The following SESTD1 variants were observed in gnomAD, a reference collection of about 807,000 sequenced individuals.
SESTD1 encodes the protein SEC14 domain and spectrin repeat-containing protein 1.
Under a neutral mutation model 101.7 loss-of-function variants are expected in SESTD1, and 43 were observed. That is an observed-to-expected ratio of 0.42 (90% CI 0.33 to 0.55). SESTD1 has a LOEUF of 0.55. Ranked by LOEUF, SESTD1 falls within the 20% of genes least tolerant of loss-of-function variation. SESTD1 has a pLI of 0.07. For synonymous variants in SESTD1, 283 were observed against 286.8 expected (o/e 0.99, Z 0.13); for missense variants, 647 against 815.1 (o/e 0.79, Z 2.51).
At chr2:179,197,161 A>T (rs1574027798) in intron 1 of SESTD1, among the ~76,000 whole-genome samples, 2 of 152,298 alleles carry the variant, frequency 1.3e-5, no homozygotes, top group African/African-American at 4.8e-5. Flanking sequence ...ACGTGAAGAA[A>T]GAAGAAGCCT....
intron 5 of SESTD1, among the ~76,000 whole-genome samples, chr2:179,152,468 C>T (rs2045549920): frequency 6.6e-6 from 1 of 152,118 alleles, no homozygotes; most frequent in African/African-American, 2.4e-5. Flanking sequence ...TTTTACTTCA[C>T]ATAAATTATA....
At position 179,117,598 on chromosome 2, in the gene SESTD1, T is replaced by A; in HGVS notation, c.1458A>T (p.Val486=). Residue 486 remains valine (V), a synonymous_variant, in exon 14 of 18, where the codon GTA becomes GTT. Coordinates refer to ENST00000428443, the MANE Select transcript of SESTD1 (RefSeq NM_178123.5). ...QLRKQRCEDM[V]DVRRLKMLQM... is the part of the protein sequence containing the mutation. ...GAAGCATCTTTAACCTTCGCACATC[T>A]ACCATGTCTTCACATCTAATGAACC... 6.3e-7 allele frequency: 1 copy of A among 1,576,772 alleles called. No homozygotes were observed. The highest frequency in any genetic ancestry group is 8.6e-7 in the Non-Finnish European group (1 of 1,167,994).
intron 5 of SESTD1, among the ~76,000 whole-genome samples, chr2:179,155,289 G>T (rs1019323103): frequency 6.6e-6 from 1 of 151,932 alleles, no homozygotes; most frequent in Non-Finnish European, 1.5e-5. Flanking sequence ...TCCCAGAAAA[G>T]AACTTTTCCT....
chr2:179,185,734 A>T (rs1261816504), intron 2 of SESTD1, among the ~76,000 whole-genome samples: 2 of 55,158 alleles, frequency 3.6e-5, no homozygotes, highest in Non-Finnish European at 6.3e-5. Flanking sequence ...TATTATATAT[A>T]ATATAATATA....
At chr2:179,173,788 A>G (rs2105476224) in intron 4 of SESTD1, among the ~76,000 whole-genome samples, 1 of 151,648 alleles carries the variant, frequency 6.6e-6, no homozygotes, top group South Asian at 2.1e-4. Flanking sequence ...AGGATAGTAT[A>G]AAAGCAGCCA....
At chr2:179,161,205 G>C (rs976560921) in intron 5 of SESTD1, among the ~76,000 whole-genome samples, 10 of 151,444 alleles carry the variant, frequency 6.6e-5, no homozygotes, top group African/African-American at 2.2e-4. Context: ...TACAGGTGTG[G>C]GCCATTGCTC....
At chr2:179,251,082 A>G (rs939486229) in intron 1 of SESTD1, among the ~76,000 whole-genome samples, 1 of 152,222 alleles carries the variant, frequency 6.6e-6, no homozygotes, top group Non-Finnish European at 1.5e-5. Flanking sequence ...AATACTACTC[A>G]GTAATTAAAA....
At chr2:179,232,575 T>C (rs1435101555) in intron 1 of SESTD1, among the ~76,000 whole-genome samples, 1 of 152,160 alleles carries the variant, frequency 6.6e-6, no homozygotes, top group Non-Finnish European at 1.5e-5. Flanking sequence ...TATTGCAGTG[T>C]CATTTATAAT....
chr2:179,236,392 G>A (rs1316015423), intron 1 of SESTD1, among the ~76,000 whole-genome samples: 4 of 149,596 alleles, frequency 2.7e-5, no homozygotes, highest in East Asian at 2.0e-4. Flanking sequence ...AGCTACTTGC[G>A]AGGCTGAGGT....
intron 1 of SESTD1, among the ~76,000 whole-genome samples, chr2:179,257,991 A>G (rs1042653731): frequency 1.3e-5 from 2 of 152,218 alleles, no homozygotes; most frequent in African/African-American, 4.8e-5. Context: ...ACCTTACCAA[A>G]GCCCAATGTG....
chr2:179,193,898 C>T (rs2046353827), intron 1 of SESTD1, among the ~76,000 whole-genome samples: 2 of 152,156 alleles, frequency 1.3e-5, no homozygotes, highest in African/African-American at 4.8e-5. Context: ...GGACCCTTGC[C>T]CCAGTACTAT....
intron 3 of SESTD1, among the ~76,000 whole-genome samples, chr2:179,180,970 A>G (rs934133899): frequency 2.0e-5 from 3 of 152,200 alleles, no homozygotes; most frequent in African/African-American, 7.2e-5. Context: ...TAGCAAAACA[A>G]TCATAAGAAA....
intron 1 of SESTD1, among the ~76,000 whole-genome samples, chr2:179,219,712 T>C (rs931751909): frequency 6.6e-6 from 1 of 152,228 alleles, no homozygotes; most frequent in Admixed American, 6.5e-5. Context: ...GGAAATTTTA[T>C]GTAATTTGTG....
chr2:179,118,818 A>G (rs778350484), intron 13 of SESTD1, among the ~76,000 whole-genome samples: 1 of 152,212 alleles, frequency 6.6e-6, no homozygotes, highest in Non-Finnish European at 1.5e-5. Flanking sequence ...TATAAGTACT[A>G]TTATAAAGCT....
At chr2:179,217,371 C>A (rs2046738531) in intron 1 of SESTD1, among the ~76,000 whole-genome samples, 1 of 152,126 alleles carries the variant, frequency 6.6e-6, no homozygotes, top group Non-Finnish European at 1.5e-5. Context: ...CAACAGACAC[C>A]TGAAAATATG....
At position 179,105,878 on chromosome 2, in the gene SESTD1, C is replaced by T. The variant is rs2044371624; in HGVS notation, c.*4021G>A. The T allele has an allele frequency of 6.6e-6, 1 of 152,152 alleles. No homozygotes were observed. The highest frequency in any genetic ancestry group is 2.1e-4 in the South Asian group (1 of 4,834). 9.4% of individuals were successfully genotyped at this position (152,152 alleles called of 1,614,324 possible). On this transcript the variant is annotated 3_prime_UTR_variant, in exon 18 of 18. Transcript: ENST00000428443. ...ATATTCATTACAGTTCTTGTTTTAG[C>T]TGGTATGTTCTTTCCTCTACAAGTA...
At position 179,236,756 on chromosome 2, in the gene SESTD1, T is replaced by G. The variant is rs978410887; in HGVS notation, c.-26+27743A>C. Among the ~76,000 whole-genome samples, 23 of 151,600 alleles carry G rather than the reference T, an allele frequency of 1.5e-4. 1 individual carries two copies. In the South Asian group the frequency reaches 1.7e-3, roughly 11 times the overall value. ...GAAAAAAAATCTGATGTAGTTTTTT[T>G]TTTTTTTTTTTAATTTTTATTTGCT... is the stretch of plus-strand genomic sequence containing the variant. On this transcript the variant is annotated intron_variant, in intron 1 of 17. Transcript: ENST00000428443.
Position 179,141,493 on chromosome 2 carries a change from T to C in SESTD1, c.849+2099A>G, listed in dbSNP as rs190154169. Among the ~76,000 whole-genome samples, 419 of 151,598 alleles carry C rather than the reference T, an allele frequency of 2.8e-3. 4 individuals are homozygous for C. The highest frequency in any genetic ancestry group is 9.6e-3 in the African/African-American group (397 of 41,348). Reference sequence around the variant, plus strand: ...CATTGCTGAGCCTAGGACAATGTCATACTATTGTAGACATTTTTTTTTTTT... The same window carrying C: ...CATTGCTGAGCCTAGGACAATGTCACACTATTGTAGACATTTTTTTTTTTT... On this transcript the variant is annotated intron_variant, in intron 9 of 17. Coordinates refer to ENST00000428443, the MANE Select transcript of SESTD1 (RefSeq NM_178123.5).
intron 1 of SESTD1, among the ~76,000 whole-genome samples, chr2:179,207,248 G>C (rs1423253271): frequency 7.4e-6 from 1 of 134,916 alleles, no homozygotes; most frequent in Non-Finnish European, 1.6e-5. Context: ...GCACTCTCTT[G>C]AAAGTGCCAC....
Sources: gnomAD v4.1 joint callset for allele counts (sites outside exome capture counted in the v4.1 genomes callset) on GRCh38, gnomAD v4.1.1 for gene constraint, MANE v1.5 for transcripts, NCBI Gene and HGNC (gene_info 2026-07-23, HGNC 2026-07-21) for gene names.